TMEM63B: variants seen among roughly 807,000 people sequenced by gnomAD.
TMEM63B encodes transmembrane protein 63B, also known as mechanosensitive cation channel TMEM63B.
TMEM63B carries 23 observed loss-of-function variants against 102.6 expected under a neutral mutation model. That is an observed-to-expected ratio of 0.22 (90% confidence interval 0.16 to 0.32). The LOEUF (loss-of-function observed/expected upper bound fraction) is 0.32. Among genes scored for constraint, TMEM63B ranks in the 10% least tolerant of loss-of-function variants. The probability of loss-of-function intolerance (pLI) is 1.00; values close to 1 mark genes in which losing one functional copy is unlikely to be tolerated. For synonymous variants in TMEM63B, 444 were observed against 437.0 expected, an observed-to-expected ratio of 1.02 and a Z score of -0.20; for missense variants, 628 against 1,095.9, an observed-to-expected ratio of 0.57 and a Z score of 6.03.
intron 1 of TMEM63B, among the ~76,000 whole-genome samples, chr6:44,129,747 T>G (rs952985760): frequency 6.6e-6 from 1 of 152,222 alleles, no homozygotes; most frequent in African/African-American, 2.4e-5. Context: ...CCAATTTTCT[T>G]TCTCTAAACC....
chr6:44,154,856 C>A lies in TMEM63B; in HGVS notation c.2472C>A (p.Ser824Arg). 1.3e-6 allele frequency: 2 copies of A among 1,594,020 alleles called. No homozygotes were observed. The highest frequency in any genetic ancestry group is 1.7e-6 in the Non-Finnish European group (2 of 1,171,588). Residue 824 changes from serine to arginine, a missense_variant, in exon 24 of 24, where the codon AGC (serine) becomes AGA (arginine). Physicochemically the swap from Ser to Arg is moderately radical, Grantham distance 110. Coordinates refer to ENST00000323267, the MANE Select transcript of TMEM63B (RefSeq NM_018426.3). ...CAGACTTCCAGTCTTGCGAGGACAGCCTCATAGAGAATGAGATTCACCAGT... is the reference window on the plus strand; with the variant it reads ...CAGACTTCCAGTCTTGCGAGGACAGACTCATAGAGAATGAGATTCACCAGT... Reference protein sequence around the residue: ...TDTDFQSCEDSLIENEIHQ With the variant: ...TDTDFQSCEDRLIENEIHQ
chr6:44,137,090 G>A (rs1378301862), intron 5 of TMEM63B, among the ~76,000 whole-genome samples: 1 of 152,196 alleles, frequency 6.6e-6, no homozygotes, highest in African/African-American at 2.4e-5. Context: ...GCCCTGCCTA[G>A]AAAAACAGAA....
intron 10 of TMEM63B, among the ~76,000 whole-genome samples, chr6:44,144,224 C>T (rs1388669557): frequency 6.6e-6 from 1 of 152,184 alleles, no homozygotes; most frequent in Admixed American, 6.5e-5. Context: ...GACTAAGAGA[C>T]AGCGCTTGAG....
intron 10 of TMEM63B, among the ~76,000 whole-genome samples, chr6:44,142,544 A>G (rs1451540960): frequency 6.6e-6 from 1 of 152,134 alleles, no homozygotes; most frequent in African/African-American, 2.4e-5. Flanking sequence ...AGAAAAAAAA[A>G]TCATTGAGTT....
chr6:44,151,131 G>A (rs1037134227), intron 18 of TMEM63B, among the ~76,000 whole-genome samples: 37 of 151,946 alleles, frequency 2.4e-4, no homozygotes, highest in African/African-American at 8.9e-4. Context: ...GGGGGTGTCT[G>A]TGGGCGGGGA....
intron 1 of TMEM63B, among the ~76,000 whole-genome samples, chr6:44,131,614 G>A (rs1778295114): frequency 6.6e-6 from 1 of 152,086 alleles, no homozygotes; most frequent in Non-Finnish European, 1.5e-5. Flanking sequence ...AGCTACTCAG[G>A]AGGCTGAGGC....
intron 11 of TMEM63B, 76 bp downstream of exon 11, chr6:44,147,003 G>C: frequency 1.3e-6 from 2 of 1,492,072 alleles, no homozygotes; most frequent in Admixed American, 3.4e-5. Context: ...CTACCACACA[G>C]GCTCCCCTTC....
intron 15 of TMEM63B, chr6:44,149,244 A>C (rs1766063222): frequency 2.1e-6 from 1 of 474,498 alleles, no homozygotes; most frequent in Non-Finnish European, 3.9e-6. Context: ...AACTGAAAAA[A>C]TGGAAAGGTT....
Position 44,150,144 on chromosome 6 carries a change from G to T in TMEM63B, c.1521-80G>T. The T allele has an allele frequency of 6.8e-7, 1 of 1,468,572 alleles. No homozygotes were observed. The highest frequency in any genetic ancestry group is 9.5e-7 in the Non-Finnish European group (1 of 1,057,964). 91.0% of individuals were successfully genotyped at this position (1,468,572 alleles called of 1,614,324 possible). ...CCACCCTTCCCAGGGGACACTCCTT[G>T]GACATTGTCCTTGTTGGGGGAGCAA... On this transcript the variant is annotated intron_variant, in intron 16 of 23. Transcript: ENST00000323267. This position sits in a 1 kb window ranked among gnomAD's most constrained non-coding sequence, Gnocchi z 4.7.
At position 44,136,397 on chromosome 6, in the gene TMEM63B, C is replaced by T; in HGVS notation, c.327C>T (p.Leu109=). ...HGDSHDRYER[L]TSVSSSVDFD... is the part of the protein sequence containing the mutation. ...ACAGCCATGACCGGTATGAGCGTCT[C>T]ACCTCTGTCTCCAGCTCCGTTGACT... is the stretch of plus-strand genomic sequence containing the variant. The change falls in exon 5 of 24, where the codon CTC becomes CTT. Residue 109 remains leucine (L), a synonymous_variant. Coordinates refer to ENST00000323267, the MANE Select transcript of TMEM63B (RefSeq NM_018426.3). 1.2e-6 allele frequency: 2 copies of T among 1,614,110 alleles called. No homozygotes were observed. Among genetic ancestry groups the T allele is most frequent in the Non-Finnish European group, 1.7e-6 (2 of 1,180,008 alleles).
At chr6:44,141,923 A>G (rs1764347256) in intron 10 of TMEM63B, among the ~76,000 whole-genome samples, 1 of 151,132 alleles carries the variant, frequency 6.6e-6, no homozygotes, top group South Asian at 2.1e-4. Flanking sequence ...GGAGTTGAAG[A>G]CCAGCCTGGG....
chr6:44,152,587 C>G lies in TMEM63B; in HGVS notation c.1837-6C>G, dbSNP rs752582548. ...TGAGCCATCCTCCTGCCCGTCTCCCCCCCAGCATCAGGCCTACGAGTTCCA... is the reference window on the plus strand; with the variant it reads ...TGAGCCATCCTCCTGCCCGTCTCCCGCCCAGCATCAGGCCTACGAGTTCCA... On this transcript the variant is annotated splice_polypyrimidine_tract_variant and splice_region_variant and intron_variant, in intron 19 of 23. Transcript: ENST00000323267. This position sits in a 1 kb window ranked among gnomAD's most constrained non-coding sequence, Gnocchi z 6.4. 3.5e-5 allele frequency: 57 copies of G among 1,607,096 alleles called. No individual in the cohort carries two copies. Among genetic ancestry groups the G allele is most frequent in the African/African-American group, 9.3e-5 (7 of 74,912 alleles).
chr6:44,146,025 C>T (rs1322639639), intron 10 of TMEM63B, among the ~76,000 whole-genome samples: 2 of 152,164 alleles, frequency 1.3e-5, no homozygotes, highest in Non-Finnish European at 2.9e-5. Flanking sequence ...AGGTCAGTCT[C>T]ACCCTGGTCA....
chr6:44,140,584 A>C (rs898816501), intron 9 of TMEM63B: 1 of 651,082 alleles, frequency 1.5e-6, no homozygotes, highest in Non-Finnish European at 2.8e-6. Flanking sequence ...TGGGGAATAC[A>C]CAGAAACAGC....
rs921939222 is a variant in TMEM63B at position 44,155,048 on chromosome 6, A to G, written c.*165A>G. On this transcript the variant is annotated 3_prime_UTR_variant, in exon 24 of 24. Coordinates refer to ENST00000323267, the MANE Select transcript of TMEM63B (RefSeq NM_018426.3). ...GTTTCACTGCTCTCCCCCATGATGG[A>G]GGGAGGGAGCCCCCCAACCTCAGTG... The G allele has an allele frequency of 4.5e-6, 3 of 665,832 alleles. 1 individual carries two copies. Among genetic ancestry groups the G allele is most frequent in the South Asian group, 6.2e-5 (2 of 32,140 alleles). The allele number at this position is 665,832 out of a possible 1,614,324, so 41.2% of individuals were successfully genotyped here.
intron 22 of TMEM63B, 40 bp from the exon 23 acceptor site, chr6:44,154,325 G>A (rs1229060366): frequency 1.2e-6 from 2 of 1,608,506 alleles, no homozygotes; most frequent in East Asian, 2.2e-5. Flanking sequence ...CAGGGCTGAG[G>A]ACATGCCCCC....
chr6:44,137,424 C>G (rs888643164), intron 5 of TMEM63B, among the ~76,000 whole-genome samples: 2 of 152,170 alleles, frequency 1.3e-5, no homozygotes, highest in Non-Finnish European at 2.9e-5. Flanking sequence ...AGATGGCCTT[C>G]AGCTTCCTGA....
At chr6:44,145,251 G>A (rs1457006060) in intron 10 of TMEM63B, among the ~76,000 whole-genome samples, 5 of 149,968 alleles carry the variant, frequency 3.3e-5, no homozygotes, top group Non-Finnish European at 7.4e-5. Context: ...CTCCAGCCTG[G>A]GCGACAGAGC....
intron 5 of TMEM63B, 50 bp downstream of exon 5, chr6:44,136,489 C>A: frequency 7.8e-7 from 1 of 1,286,118 alleles, no homozygotes; most frequent in Non-Finnish European, 1.1e-6. Flanking sequence ...ACCCCCAGGG[C>A]ACATGGGCTG....
Sources: gnomAD v4.1 joint callset for allele counts (sites outside exome capture counted in the v4.1 genomes callset) on GRCh38, gnomAD v4.1.1 for gene constraint, Gnocchi (gnomAD v3.1) non-coding constraint, MANE v1.5 for transcripts, NCBI Gene and HGNC (gene_info 2026-07-23, HGNC 2026-07-21) for gene names.